The following FBN2 variants were observed in gnomAD, a reference collection of about 807,000 sequenced individuals.
FBN2 encodes fibrillin 2, also known as fibrillin-2.
A neutral mutation model predicts 355.6 loss-of-function variants in FBN2; 105 were observed. The observed-to-expected ratio is 0.30, with a 90% CI of 0.25 to 0.35. The LOEUF is 0.35. FBN2 is among the 10% of genes least tolerant of loss of function. FBN2 has a pLI of 1.00. For missense variants in FBN2, 3,280 were observed against 3,758.7 expected, an observed-to-expected ratio of 0.87 and a Z score of 3.33; for synonymous variants, 1,350 against 1,301.2, an observed-to-expected ratio of 1.04 and a Z score of -0.81.
At position 128,503,933 on chromosome 5, in the gene FBN2, T is replaced by C. The variant is rs377033871; in HGVS notation, c.628+15340A>G. Among the ~76,000 whole-genome samples, 4 of 152,062 alleles carry C rather than the reference T, an allele frequency of 2.6e-5. No homozygotes were observed. In the South Asian group the frequency reaches 8.3e-4, roughly 32 times the overall value. On this transcript the variant is annotated intron_variant, in intron 5 of 64. Transcript: ENST00000262464. ...GGAGGAAAAAATGGTTTCCTGGGCC[T>C]GGTCCCCAGGCCCCCCACACTCAAA...
At chr5:128,301,259 T>C (rs1561757718) in intron 47 of FBN2, 123 bp downstream of exon 47, 1 of 951,922 alleles carries the variant, frequency 1.1e-6, no homozygotes, top group Non-Finnish European at 1.6e-6. Context: ...ATAGCTTATC[T>C]TGGTCATGTG....
chr5:128,378,710 C>T, intron 12 of FBN2, 61 bp downstream of exon 12: 1 of 1,593,420 alleles, frequency 6.3e-7, no homozygotes, highest in Middle Eastern at 1.7e-4. Context: ...CTTTTAACCT[C>T]AACAGCCTTG....
intron 5 of FBN2, among the ~76,000 whole-genome samples, chr5:128,505,904 T>C (rs959816206): frequency 3.9e-5 from 6 of 152,190 alleles, no homozygotes; most frequent in African/African-American, 1.4e-4. Context: ...TGTTTGCAGT[T>C]TGGCACTATT....
At chr5:128,281,780 G>C (rs1436513461) in intron 55 of FBN2, among the ~76,000 whole-genome samples, 1 of 152,058 alleles carries the variant, frequency 6.6e-6, no homozygotes, top group Non-Finnish European at 1.5e-5. Flanking sequence ...CTGCCTCCTG[G>C]GTTCACGCCA....
At chr5:128,290,078 CTT>C in intron 50 of FBN2, 131 bp from the exon 51 acceptor site, 2 of 683,404 alleles carry the variant, frequency 2.9e-6, no homozygotes, top group Non-Finnish European at 5.3e-6. Context: ...TAACAAGACT[CTT>C]TTATTTTTAT....
intron 5 of FBN2, among the ~76,000 whole-genome samples, chr5:128,506,857 T>G (rs1755975608): frequency 6.6e-6 from 1 of 152,126 alleles, no homozygotes; most frequent in Non-Finnish European, 1.5e-5. Flanking sequence ...TCAGCTATAT[T>G]TAGATGAACA....
At chr5:128,378,686 T>A in intron 12 of FBN2, 85 bp downstream of exon 12, 2 of 1,406,728 alleles carry the variant, frequency 1.4e-6, no homozygotes, top group Admixed American at 3.4e-5. Flanking sequence ...TTATTCCATG[T>A]TTTAATAAAT....
intron 8 of FBN2, among the ~76,000 whole-genome samples, chr5:128,400,256 A>G (rs1369442386): frequency 1.3e-5 from 2 of 152,024 alleles, no homozygotes; most frequent in African/African-American, 2.4e-5. Flanking sequence ...TTAGAAATAG[A>G]CCACAAATAA....
chr5:128,288,707 G>A, intron 52 of FBN2, 150 bp from the exon 53 acceptor site: 2 of 843,488 alleles, frequency 2.4e-6, no homozygotes, highest in Non-Finnish European at 3.9e-6. Context: ...CTGGCTGGCA[G>A]CTATGTAGTG....
At chr5:128,532,364 GCTCA>G (rs1756731954) in intron 2 of FBN2, among the ~76,000 whole-genome samples, 1 of 152,188 alleles carries the variant, frequency 6.6e-6, no homozygotes, top group African/African-American at 2.4e-5. Flanking sequence ...AGAATGTTAG[GCTCA>G]CTGACACAAT....
At chr5:128,399,529 A>C (rs1752740297) in intron 8 of FBN2, among the ~76,000 whole-genome samples, 1 of 152,184 alleles carries the variant, frequency 6.6e-6, no homozygotes, top group Non-Finnish European at 1.5e-5. Flanking sequence ...GCAAAAGAAA[A>C]AGATCCCAAT....
At chr5:128,385,884 A>AT (rs563158700) in intron 11 of FBN2, among the ~76,000 whole-genome samples, 135 of 148,872 alleles carry the variant, frequency 9.1e-4, no homozygotes, top group African/African-American at 2.7e-3. Context: ...ATTTAATGAG[A>AT]TTTTTTTTTT....
chr5:128,271,885 A>G, intron 62 of FBN2, 114 bp downstream of exon 62: 1 of 1,243,320 alleles, frequency 8.0e-7, no homozygotes, highest in Non-Finnish European at 1.2e-6. Context: ...GACTGGGTTT[A>G]AAGTCTAAAA....
In FBN2 at chr5:128,280,570, T is replaced by C. The variant is rs534795117; in HGVS notation, c.7013-253A>G. ...CTGCAGAGAAGGGATAGTGTTAATATATAGAATTGAAAATTGGCCTCCAAA... is the reference window on the plus strand; with the variant it reads ...CTGCAGAGAAGGGATAGTGTTAATACATAGAATTGAAAATTGGCCTCCAAA... On this transcript the variant is annotated intron_variant, in intron 55 of 64. Coordinates refer to ENST00000262464, the MANE Select transcript of FBN2 (RefSeq NM_001999.4). Among the ~76,000 whole-genome samples, 17 of 152,324 alleles carry C rather than the reference T, an allele frequency of 1.1e-4. No individual in the cohort carries two copies. In the South Asian group the frequency reaches 3.5e-3, roughly 32 times the overall value.
At chr5:128,401,238 G>C (rs1379161816) in intron 8 of FBN2, among the ~76,000 whole-genome samples, 1 of 152,134 alleles carries the variant, frequency 6.6e-6, no homozygotes, top group Non-Finnish European at 1.5e-5. Flanking sequence ...AGTATGCAAT[G>C]ATATTGAGAG....
rs577729245 is a variant in FBN2 at position 128,324,550 on chromosome 5, A to G, written c.4471+4146T>C. The stretch of plus-strand genomic sequence containing the variant: ...GCCTTAATTTTGTTATTTACCCAGT[A>G]GTCATTCAGGAACAGGTTGTTCAGT... On this transcript the variant is annotated intron_variant, in intron 34 of 64. Coordinates refer to ENST00000262464, the MANE Select transcript of FBN2 (RefSeq NM_001999.4). 8.7e-4 allele frequency among the ~76,000 whole-genome samples: 132 copies of G among 151,534 alleles called. No individual in the cohort carries two copies. In the Middle Eastern group the frequency reaches 0.01, roughly 12 times the overall value.
chr5:128,358,776 T>A (rs1229504856), intron 19 of FBN2, among the ~76,000 whole-genome samples: 1 of 152,040 alleles, frequency 6.6e-6, no homozygotes, highest in East Asian at 1.9e-4. Context: ...AGACCACATA[T>A]AATTCTCCTA....
At chr5:128,457,290 A>G (rs1754419022) in intron 6 of FBN2, among the ~76,000 whole-genome samples, 2 of 152,222 alleles carry the variant, frequency 1.3e-5, no homozygotes. Flanking sequence ...CTTCCAGGAA[A>G]CATGAGACTT....
intron 5 of FBN2, among the ~76,000 whole-genome samples, chr5:128,512,105 C>T (rs535423794): frequency 1.2e-4 from 18 of 152,176 alleles, no homozygotes; most frequent in African/African-American, 2.4e-4. Flanking sequence ...CAATCTGTAC[C>T]GTTACCAAAA....
Sources: gnomAD v4.1 joint callset for allele counts (sites outside exome capture counted in the v4.1 genomes callset) on GRCh38, gnomAD v4.1.1 for gene constraint, MANE v1.5 for transcripts, NCBI Gene and HGNC (gene_info 2026-07-23, HGNC 2026-07-21) for gene names.